The following GPR26 variants were observed in gnomAD, a reference collection of about 807,000 sequenced individuals.
GPR26 encodes the protein G protein-coupled receptor 26.
GPR26 carries 15 observed loss-of-function variants against 23.1 expected under a neutral mutation model. That is an observed-to-expected ratio of 0.65 (90% CI 0.43 to 1.00). The LOEUF is 1.00. Ranked by LOEUF, GPR26 falls within the 50% of genes least tolerant of loss-of-function variation. The probability of loss-of-function intolerance (pLI) is 0.00; values close to 1 mark genes in which losing one functional copy is unlikely to be tolerated. For synonymous variants in GPR26, 228 were observed against 222.1 expected (o/e 1.03, Z -0.24); for missense variants, 359 against 470.5 (o/e 0.76, Z 2.19).
At position 123,688,244 on chromosome 10, in the gene GPR26, C is replaced by A; in HGVS notation, c.*84C>A. The A allele has an allele frequency of 1.3e-6, 1 of 793,544 alleles. No individual in the cohort carries two copies. The highest frequency in any genetic ancestry group is 2.1e-5 in the Admixed American group (1 of 48,698). 49.2% of individuals were successfully genotyped at this position (793,544 alleles called of 1,614,324 possible). A position where few individuals can be genotyped will look rare whatever the true frequency, so the allele number is the denominator to read the frequency against. On this transcript the variant is annotated 3_prime_UTR_variant, in exon 3 of 3. Transcript: ENST00000284674. Reference sequence around the variant, plus strand: ...GGGCGTGGGGGCCCCTGGGTGGACACCACCAGCCACCAGTCCCTGGCATGC... The same window carrying A: ...GGGCGTGGGGGCCCCTGGGTGGACAACACCAGCCACCAGTCCCTGGCATGC...
intron 2 of GPR26, among the ~76,000 whole-genome samples, chr10:123,679,768 G>T (rs1005368255): frequency 2.6e-5 from 4 of 152,068 alleles, no homozygotes; most frequent in Admixed American, 6.5e-5. Flanking sequence ...CTCTTGTGTA[G>T]ATCTGTGGCT....
At position 123,696,163 on chromosome 10, in the gene GPR26, G is replaced by T. The variant is rs1271746366; in HGVS notation, c.*8003G>T. On this transcript the variant is annotated 3_prime_UTR_variant, in exon 3 of 3. Coordinates refer to ENST00000284674, the MANE Select transcript of GPR26 (RefSeq NM_153442.4). The stretch of plus-strand genomic sequence containing the variant: ...CTCCTTCTGCCATAGTATGTCGTGT[G>T]TAGTGGATGCCAGTAGACAACTTTA... Among the ~76,000 whole-genome samples the T allele has an allele frequency of 6.6e-6, 1 of 152,196 alleles. No individual in the cohort carries two copies. The highest frequency in any genetic ancestry group is 1.5e-5 in the Non-Finnish European group (1 of 68,030).
intron 1 of GPR26, among the ~76,000 whole-genome samples, chr10:123,670,683 C>T (rs1589923431): frequency 6.6e-6 from 1 of 152,192 alleles, no homozygotes; most frequent in African/African-American, 2.4e-5. Flanking sequence ...GCACACTGCA[C>T]GTTGCACACC....
At chr10:123,677,954 T>C (rs1845328150) in intron 2 of GPR26, among the ~76,000 whole-genome samples, 1 of 152,116 alleles carries the variant, frequency 6.6e-6, no homozygotes, top group Non-Finnish European at 1.5e-5. Context: ...ATGAAATTAA[T>C]ACATTTTTGG....
intron 2 of GPR26, among the ~76,000 whole-genome samples, chr10:123,681,294 G>A (rs1078832): frequency 0.19 from 29,082 of 152,046 alleles, 3,732 homozygotes; most frequent in East Asian, 0.66. Flanking sequence ...TCTTCTCTCA[G>A]CAGAAGCAAA....
chr10:123,686,641 G>A (rs1167450688), intron 2 of GPR26, among the ~76,000 whole-genome samples: 4 of 152,186 alleles, frequency 2.6e-5, no homozygotes, highest in Non-Finnish European at 4.4e-5. Context: ...ATTAAAGATA[G>A]AAGCACTGAG....
chr10:123,695,316 A>G lies in GPR26; in HGVS notation c.*7156A>G, dbSNP rs918819559. Among the ~76,000 whole-genome samples, 5 of 152,146 alleles carry G rather than the reference A, an allele frequency of 3.3e-5. No homozygotes were observed. The highest frequency in any genetic ancestry group is 6.5e-5 in the Admixed American group (1 of 15,284). Reference sequence around the variant, plus strand: ...GTTCTTAGGAACACCAGCGTGTGGTATTTCCTGTGTCCTCTCATGCATGCT... The same window carrying G: ...GTTCTTAGGAACACCAGCGTGTGGTGTTTCCTGTGTCCTCTCATGCATGCT... On this transcript the variant is annotated 3_prime_UTR_variant, in exon 3 of 3. Transcript: ENST00000284674.
At position 123,689,963 on chromosome 10, in the gene GPR26, C is replaced by T. The variant is rs547207715; in HGVS notation, c.*1803C>T. On this transcript the variant is annotated 3_prime_UTR_variant, in exon 3 of 3. Transcript: ENST00000284674. ...AATTTCATGATCTGGGGCATCATGTCGGTAGCTGAAGTCAGCCACGGTGGG... is the reference window on the plus strand; with the variant it reads ...AATTTCATGATCTGGGGCATCATGTTGGTAGCTGAAGTCAGCCACGGTGGG... The T allele has an allele frequency of 5.9e-5, 9 of 152,172 alleles. No homozygotes were observed. Among genetic ancestry groups the T allele is most frequent in the Admixed American group, 2.0e-4 (3 of 15,288 alleles). The allele number at this position is 152,172 out of a possible 1,614,324, so 9.4% of individuals were successfully genotyped here. A position where few individuals can be genotyped will look rare whatever the true frequency, so the allele number is the denominator to read the frequency against.
At chr10:123,675,856 A>AAG (rs1490606651) in intron 2 of GPR26, among the ~76,000 whole-genome samples, 6 of 64,012 alleles carry the variant, frequency 9.4e-5, no homozygotes, top group Non-Finnish European at 9.7e-5. Flanking sequence ...GTGTGTGTGT[A>AAG]AGAGAGAGAG....
In GPR26 at chr10:123,691,528, T is replaced by A. The variant is rs1481526207; in HGVS notation, c.*3368T>A. ...AGATGAGGCCTTCCCATGGCTACAG[T>A]GTGACCCTTGGAGGAACCAAAGGCT... On this transcript the variant is annotated 3_prime_UTR_variant, in exon 3 of 3. Coordinates refer to ENST00000284674, the MANE Select transcript of GPR26 (RefSeq NM_153442.4). 6.6e-6 allele frequency: 1 copy of A among 152,180 alleles called. No homozygotes were observed. The highest frequency in any genetic ancestry group is 1.9e-4 in the East Asian group (1 of 5,200). The allele number at this position is 152,180 out of a possible 1,614,324, so 9.4% of individuals were successfully genotyped here.
At chr10:123,680,369 C>G (rs1272442173) in intron 2 of GPR26, among the ~76,000 whole-genome samples, 2 of 152,228 alleles carry the variant, frequency 1.3e-5, no homozygotes, top group Non-Finnish European at 2.9e-5. Flanking sequence ...GGCCCTACAG[C>G]ACCCCCAAGA....
rs756674503 is a variant in GPR26, at chr10:123,666,681, A to C, written c.274A>C (p.Asn92His). 1 of 1,599,650 alleles carries C rather than the reference A, an allele frequency of 6.3e-7. No individual in the cohort carries two copies. The highest frequency in any genetic ancestry group is 8.5e-7 in the Non-Finnish European group (1 of 1,178,270). ...AAFLDTFLAANSMLSMAALSI... is the reference protein window; with the variant it reads ...AAFLDTFLAAHSMLSMAALSI... Reference sequence around the variant, plus strand: ...CTTCCTCGACACCTTCCTGGCTGCCAACTCCATGCTCAGCATGGCCGCGCT... The same window carrying C: ...CTTCCTCGACACCTTCCTGGCTGCCCACTCCATGCTCAGCATGGCCGCGCT... The change falls in exon 1 of 3, where the codon AAC (asparagine) becomes CAC (histidine). Residue 92 changes from asparagine (N) to histidine (H), a missense_variant. Physicochemically the swap from Asn to His is moderately conservative, Grantham distance 68. Transcript: ENST00000284674.
At chr10:123,672,338 A>T (rs1845260987) in intron 1 of GPR26, among the ~76,000 whole-genome samples, 1 of 152,138 alleles carries the variant, frequency 6.6e-6, no homozygotes, top group Non-Finnish European at 1.5e-5. Context: ...GGAGTCTTTT[A>T]GCTGGTCTGT....
Position 123,695,525 on chromosome 10 carries a change from C to T in GPR26, c.*7365C>T, listed in dbSNP as rs545534806. On this transcript the variant is annotated 3_prime_UTR_variant, in exon 3 of 3. Transcript: ENST00000284674. ...AAGGCGCAAGGCTTCAGTCTTATCCCGGACAATCCTCAGGGATTGGGTTTG... is the reference window on the plus strand; with the variant it reads ...AAGGCGCAAGGCTTCAGTCTTATCCTGGACAATCCTCAGGGATTGGGTTTG... Among the ~76,000 whole-genome samples, 13 of 152,226 alleles carry T rather than the reference C, an allele frequency of 8.5e-5. No individual in the cohort carries two copies. The East Asian group carries it at 2.1e-3, about 25-fold the overall frequency.
rs1041783087 is a variant in GPR26, at chr10:123,691,372, A to G, written c.*3212A>G. On this transcript the variant is annotated 3_prime_UTR_variant, in exon 3 of 3. Coordinates refer to ENST00000284674, the MANE Select transcript of GPR26 (RefSeq NM_153442.4). ...GCTCAGCCTCCTGTCCCCATGAGCA[A>G]TAAAACTCTCTCCTTATGTCTGTGA... The G allele has an allele frequency of 6.6e-6, 1 of 152,220 alleles. No homozygotes were observed. The highest frequency in any genetic ancestry group is 1.5e-5 in the Non-Finnish European group (1 of 68,042). 9.4% of individuals were successfully genotyped at this position (152,220 alleles called of 1,614,324 possible). A position where few individuals can be genotyped will look rare whatever the true frequency, so the allele number is the denominator to read the frequency against.
rs1477678374 is a variant in GPR26 at position 123,693,556 on chromosome 10, T to C, written c.*5396T>C. On this transcript the variant is annotated 3_prime_UTR_variant, in exon 3 of 3. Coordinates refer to ENST00000284674, the MANE Select transcript of GPR26 (RefSeq NM_153442.4). Reference sequence around the variant, plus strand: ...AGTGGTATGAGAGCAGTGTGGTTTGTAAGTTCCCCAACTTCCCCGCTGGCT... The same window carrying C: ...AGTGGTATGAGAGCAGTGTGGTTTGCAAGTTCCCCAACTTCCCCGCTGGCT... 6.6e-6 allele frequency: 1 copy of C among 152,252 alleles called. No homozygotes were observed. Among genetic ancestry groups the C allele is most frequent in the Non-Finnish European group, 1.5e-5 (1 of 68,088 alleles). 9.4% of individuals were successfully genotyped at this position (152,252 alleles called of 1,614,324 possible).
chr10:123,683,950 T>C (rs905480004), intron 2 of GPR26, among the ~76,000 whole-genome samples: 6 of 152,134 alleles, frequency 3.9e-5, no homozygotes, highest in Non-Finnish European at 5.9e-5. Flanking sequence ...CAGGCTTCCA[T>C]AGGGGCTGGG....
chr10:123,680,745 T>C (rs1845361394), intron 2 of GPR26, among the ~76,000 whole-genome samples: 1 of 149,892 alleles, frequency 6.7e-6, no homozygotes, highest in African/African-American at 2.4e-5. Flanking sequence ...ACTCTGTACC[T>C]GAAGCTGTAC....
At chr10:123,667,913 C>T (rs900035267) in intron 1 of GPR26, among the ~76,000 whole-genome samples, 27 of 152,210 alleles carry the variant, frequency 1.8e-4, no homozygotes, top group African/African-American at 6.5e-4. Flanking sequence ...GTCCTGAGCT[C>T]ACCTCAGCTT....
Sources: gnomAD v4.1 joint callset for allele counts (sites outside exome capture counted in the v4.1 genomes callset) on GRCh38, gnomAD v4.1.1 for gene constraint, MANE v1.5 for transcripts, NCBI Gene and HGNC (gene_info 2026-07-23, HGNC 2026-07-21) for gene names.